OGT: variants seen among roughly 807,000 people sequenced by gnomAD.
The protein encoded by OGT is O-linked N-acetylglucosamine (GlcNAc) transferase, also known as UDP-N-acetylglucosamine--peptide N-acetylglucosaminyltransferase 110 kDa subunit.
OGT carries 3 observed loss-of-function variants against 75.8 expected under a neutral mutation model. The ratio of observed to expected loss-of-function variants is 0.04; its 90% CI spans 0.02 to 0.10. OGT has a LOEUF of 0.10. Among genes scored for constraint, OGT ranks in the 10% least tolerant of loss-of-function variants. The pLI is 1.00. For missense variants in OGT, 260 were observed against 824.4 expected (o/e 0.32, Z 8.38); for synonymous variants, 257 against 289.7 (o/e 0.89, Z 1.15).
chrX:71,539,119 A>G (rs921810162), intron 3 of OGT, among the ~76,000 whole-genome samples: 2 of 112,674 alleles, frequency 1.8e-5, no homozygotes, highest in Non-Finnish European at 3.8e-5. Flanking sequence ...AGTGAAAAGA[A>G]ATAAAAGTGG....
At chrX:71,555,794 T>C (rs962804968) in intron 7 of OGT, 160 bp from the exon 8 acceptor site, 1 of 550,662 alleles carries the variant, frequency 1.8e-6, no homozygotes, top group Non-Finnish European at 2.9e-6. Context: ...GATGGTATAT[T>C]GGTTTACTTT....
At chrX:71,559,182 G>A in intron 12 of OGT, 85 bp from the exon 13 acceptor site, 3 of 889,555 alleles carry the variant, frequency 3.4e-6, no homozygotes, top group Non-Finnish European at 4.8e-6. Context: ...CAGGTGTGAG[G>A]TATAGGTTTG....
chrX:71,570,657 T>C (rs1311678722), intron 21 of OGT, among the ~76,000 whole-genome samples: 2 of 111,735 alleles, frequency 1.8e-5, no homozygotes, highest in Non-Finnish European at 3.8e-5. Flanking sequence ...ATTCAGCAGA[T>C]GTTAGCTACT....
chrX:71,538,421 G>T (rs1373909690), intron 3 of OGT, among the ~76,000 whole-genome samples: 3 of 112,037 alleles, frequency 2.7e-5, no homozygotes, highest in Middle Eastern at 4.2e-3. Context: ...AGGAATGGTG[G>T]ATAATGGGTC....
chrX:71,573,869 C>T lies in OGT; in HGVS notation c.*75C>T. On this transcript the variant is annotated 3_prime_UTR_variant, in exon 22 of 22. Coordinates refer to ENST00000373719, the MANE Select transcript of OGT (RefSeq NM_181672.3). ...GGGGGAAAGGGAACTAGATAACATA[C>T]TTCTTACTTGTCTGTACAGTACCTT... The T allele has an allele frequency of 1.2e-6, 1 of 835,740 alleles. No individual in the cohort carries two copies. The highest frequency in any genetic ancestry group is 1.7e-6 in the Non-Finnish European group (1 of 600,896). The allele number at this position is 835,740 out of a possible 1,213,427, so 68.9% of individuals were successfully genotyped here.
rs184813430 is a variant in OGT, at chrX:71,565,242, T to A, written c.2589+489T>A. Among the ~76,000 whole-genome samples, 7 of 112,177 alleles carry A rather than the reference T, an allele frequency of 6.2e-5. No individual in the cohort carries two copies. In the East Asian group the frequency reaches 8.3e-4, roughly 13 times the overall value. On this transcript the variant is annotated intron_variant, in intron 19 of 21. Transcript: ENST00000373719. ...ACTCAACTGGGTTATGCCCTTTTTT[T>A]AAAAAACAGAATCTCACTCTGTTGT...
chrX:71,550,468 C>T (rs745899052), intron 5 of OGT, among the ~76,000 whole-genome samples: 3 of 111,367 alleles, frequency 2.7e-5, no homozygotes, highest in Admixed American at 9.6e-5. Flanking sequence ...ACTGCAACCT[C>T]GAACTCCTGG....
At position 71,536,450 on chromosome X, in the gene OGT, C is replaced by A. The variant is rs975496166; in HGVS notation, c.218+92C>A. The A allele has an allele frequency of 1.0e-5, 8 of 788,639 alleles. No individual in the cohort carries two copies. The African/African-American group carries it at 1.5e-4, about 15-fold the overall frequency. 65.0% of individuals were successfully genotyped at this position (788,639 alleles called of 1,213,427 possible). ...TAAATATTTGAACTTGAAATTTTTC[C>A]AGTACCGGGTTTCAACTGAGCCGCC... On this transcript the variant is annotated intron_variant, in intron 2 of 21. Coordinates refer to ENST00000373719, the MANE Select transcript of OGT (RefSeq NM_181672.3).
At chrX:71,557,718 A>G in intron 12 of OGT, 46 bp downstream of exon 12, 2 of 1,025,346 alleles carry the variant, frequency 2.0e-6, no homozygotes, top group Non-Finnish European at 1.3e-6. Context: ...CTAAAACACA[A>G]ATACAGAAAA....
intron 5 of OGT, among the ~76,000 whole-genome samples, chrX:71,550,092 T>C (rs1322989989): frequency 8.9e-6 from 1 of 112,148 alleles, no homozygotes; most frequent in Non-Finnish European, 1.9e-5. Flanking sequence ...TTTGGAAGAC[T>C]TACAAGGAAC....
At chrX:71,534,464 T>A (rs2040160541) in intron 1 of OGT, 1 of 110,857 alleles carries the variant, frequency 9.0e-6, no homozygotes, top group African/African-American at 3.3e-5. Flanking sequence ...GGGTGGGGAA[T>A]TGGGCTGCGC....
intron 19 of OGT, 39 bp downstream of exon 19, chrX:71,564,792 G>A (rs1466344758): frequency 9.6e-7 from 1 of 1,038,266 alleles, no homozygotes. Flanking sequence ...TAAAGATTTT[G>A]TATCTAGAGC....
At chrX:71,536,484 TCTG>T (rs1410726489) in intron 2 of OGT, 126 bp downstream of exon 2, 5 of 493,717 alleles carry the variant, frequency 1.0e-5, no homozygotes, top group African/African-American at 7.5e-5. Context: ...CCAACGCACA[TCTG>T]CTCTCTTGCC....
chrX:71,560,562 TATG>T (rs1481720148), intron 14 of OGT, among the ~76,000 whole-genome samples: 2 of 111,822 alleles, frequency 1.8e-5, no homozygotes, highest in Non-Finnish European at 3.8e-5. Flanking sequence ...CACATGCAGG[TATG>T]ATATGTATGC....
intron 7 of OGT, chrX:71,555,691 C>T (rs755143880): frequency 1.4e-4 from 56 of 397,703 alleles, no homozygotes; most frequent in Non-Finnish European, 2.3e-4. Flanking sequence ...CCACAGCACT[C>T]CAGCCTGGGC....
intron 20 of OGT, 83 bp from the exon 21 acceptor site, chrX:71,567,910 T>G: frequency 9.0e-7 from 1 of 1,106,963 alleles, no homozygotes; most frequent in African/African-American, 1.8e-5. Context: ...TCATCTGCGT[T>G]GTGTGGAGGC....
At chrX:71,549,961 C>A (rs907882041) in intron 5 of OGT, among the ~76,000 whole-genome samples, 1 of 111,188 alleles carries the variant, frequency 9.0e-6, no homozygotes, top group South Asian at 3.8e-4. Flanking sequence ...TGAGGAGGCT[C>A]CCACTGGCTA....
rs1449872874 is a variant in OGT at position 71,574,027 on chromosome X, A to G, written c.*233A>G. The G allele has an allele frequency of 3.6e-6, 1 of 277,559 alleles. No homozygotes were observed. The highest frequency in any genetic ancestry group is 6.0e-5 in the East Asian group (1 of 16,569). 22.9% of individuals were successfully genotyped at this position (277,559 alleles called of 1,213,427 possible). A position where few individuals can be genotyped will look rare whatever the true frequency, so the allele number is the denominator to read the frequency against. On this transcript the variant is annotated 3_prime_UTR_variant, in exon 22 of 22. Coordinates refer to ENST00000373719, the MANE Select transcript of OGT (RefSeq NM_181672.3). Reference sequence around the variant, plus strand: ...CTCCGTAGAATTTTGCGGCGACCAGATGGTGCATAGGTCTGGAAGGTCTGA... The same window carrying G: ...CTCCGTAGAATTTTGCGGCGACCAGGTGGTGCATAGGTCTGGAAGGTCTGA...
chrX:71,541,027 G>T (rs916639494), intron 3 of OGT, among the ~76,000 whole-genome samples: 23 of 111,960 alleles, frequency 2.1e-4, no homozygotes, highest in African/African-American at 5.2e-4. Context: ...GACAGCACAT[G>T]TTCTTTGACA....
Sources: gnomAD v4.1 joint callset for allele counts (sites outside exome capture counted in the v4.1 genomes callset) on GRCh38, gnomAD v4.1.1 for gene constraint, MANE v1.5 for transcripts, NCBI Gene and HGNC (gene_info 2026-07-23, HGNC 2026-07-21) for gene names.